The following HAUS4 variants were observed in gnomAD, a reference collection of about 807,000 sequenced individuals.
HAUS4 encodes the protein HAUS augmin-like complex subunit 4.
A neutral mutation model predicts 50.6 loss-of-function variants in HAUS4; 34 were observed. That is an observed-to-expected ratio of 0.67 (90% CI 0.51 to 0.90). The LOEUF (loss-of-function observed/expected upper bound fraction) is 0.90, where lower values mean the gene tolerates loss of function less well. Ranked by LOEUF, HAUS4 falls within the 40% of genes least tolerant of loss-of-function variation. HAUS4 has a pLI of 0.00. For synonymous variants in HAUS4, 149 were observed against 161.4 expected (o/e 0.92, Z 0.58); for missense variants, 370 against 428.7 (o/e 0.86, Z 1.21).
chr14:22,947,990 C>T lies in HAUS4; in HGVS notation c.586G>A (p.Ala196Thr). Residue 196 changes from alanine to threonine, a missense_variant, in exon 7 of 10, where the codon GCA (alanine) becomes ACA (threonine). Physicochemically the swap from Ala to Thr is moderately conservative, Grantham distance 58. Coordinates refer to ENST00000541587, the MANE Select transcript of HAUS4 (RefSeq NM_001166269.2). Reference sequence around the variant, plus strand: ...TCTGCGAGTTTCCACACCTTTGCTGCCTTCACGGTTTCACTGTCAGCATCT... The same window carrying T: ...TCTGCGAGTTTCCACACCTTTGCTGTCTTCACGGTTTCACTGTCAGCATCT... ...NSDADSETVK[A>T]AKVWKLAEVL... 6.2e-7 allele frequency: 1 copy of T among 1,612,550 alleles called. No individual in the cohort carries two copies.
At chr14:22,950,195 G>A in intron 6 of HAUS4, 119 bp downstream of exon 6, 2 of 445,660 alleles carry the variant, frequency 4.5e-6, no homozygotes, top group Non-Finnish European at 8.0e-6. Flanking sequence ...AAACAAATAA[G>A]CATCTCTGAT....
intron 6 of HAUS4, among the ~76,000 whole-genome samples, chr14:22,949,301 G>C (rs1200471258): frequency 6.6e-6 from 1 of 151,786 alleles, no homozygotes; most frequent in Non-Finnish European, 1.5e-5. Context: ...AGGCCAAGGT[G>C]GGTAGATCAT....
rs368353481 is a variant in HAUS4, at chr14:22,947,559, G to A, written c.839+42C>T. 73 of 1,607,326 alleles carry A rather than the reference G, an allele frequency of 4.5e-5. No homozygotes were observed. The African/African-American group carries it at 7.6e-4, about 17-fold the overall frequency. On this transcript the variant is annotated intron_variant, in intron 8 of 9. Transcript: ENST00000541587. ...GGGTAAGGGATAGAGGGCTGATAAC[G>A]TGAGACAGAATCCCTTAAGATCCAC...
rs761199996 is a variant in HAUS4 at position 22,946,704 on chromosome 14, G to A, written c.913C>T (p.Arg305Cys). Residue 305 changes from arginine to cysteine, a missense_variant, in exon 10 of 10, where the codon CGT (arginine) becomes TGT (cysteine). Coordinates refer to ENST00000541587, the MANE Select transcript of HAUS4 (RefSeq NM_001166269.2). ...TGTAGGTGAATGGCTCCCTCCAAAC[G>A]GTCCCTAAGAGCCCGGGCAGAGAAG... The part of the protein sequence containing the change: ...KVEVHRLIRD[R>C]LEGAIHLQEQ... 26 of 1,606,724 alleles carry A rather than the reference G, an allele frequency of 1.6e-5. No individual in the cohort carries two copies. The highest frequency in any genetic ancestry group is 5.4e-5 in the African/African-American group (4 of 74,616).
In HAUS4 at chr14:22,947,948, G is replaced by C; in HGVS notation, c.628C>G (p.Gln210Glu). Residue 210 changes from glutamine to glutamate, a missense_variant, in exon 7 of 10, where the codon CAG (glutamine) becomes GAG (glutamate). Coordinates refer to ENST00000541587, the MANE Select transcript of HAUS4 (RefSeq NM_001166269.2). Reference protein sequence around the residue: ...WKLAEVLVGEQQQCQDAKSQQ... With the variant: ...WKLAEVLVGEEQQCQDAKSQQ... The stretch of plus-strand genomic sequence containing the variant: ...CTCTTGGCATCCTGGCACTGCTGCT[G>C]CTCACCCACCAGGACCTCTGCGAGT... The C allele has an allele frequency of 1.2e-6, 2 of 1,614,012 alleles. No homozygotes were observed. Among genetic ancestry groups the C allele is most frequent in the Non-Finnish European group, 1.7e-6 (2 of 1,179,964 alleles).
At position 22,947,991 on chromosome 14, in the gene HAUS4, C is replaced by T. The variant is rs537611855; in HGVS notation, c.585G>A (p.Lys195=). 2 of 1,612,456 alleles carry T rather than the reference C, an allele frequency of 1.2e-6. No homozygotes were observed. The highest frequency in any genetic ancestry group is 2.2e-5 in the East Asian group (1 of 44,870). ...CTGCGAGTTTCCACACCTTTGCTGC[C>T]TTCACGGTTTCACTGTCAGCATCTG... ...PNSDADSETV[K]AAKVWKLAEV... The change falls in exon 7 of 10, where the codon AAG becomes AAA. Residue 195 remains lysine, a synonymous_variant. Transcript: ENST00000541587.
rs745758388 is a variant in HAUS4 at position 22,950,307 on chromosome 14, C to T, written c.562+7G>A. On this transcript the variant is annotated splice_region_variant and intron_variant, in intron 6 of 9. Coordinates refer to ENST00000541587, the MANE Select transcript of HAUS4 (RefSeq NM_001166269.2). ...AGCTGTGAGCAGAACAGACAGCTAGCACTCACCTGAATTGGGATCATAGTA... is the reference window on the plus strand; with the variant it reads ...AGCTGTGAGCAGAACAGACAGCTAGTACTCACCTGAATTGGGATCATAGTA... The T allele has an allele frequency of 7.3e-6, 11 of 1,506,844 alleles. No homozygotes were observed. The highest frequency in any genetic ancestry group is 7.4e-6 in the Non-Finnish European group (8 of 1,082,308). 93.3% of individuals were successfully genotyped at this position (1,506,844 alleles called of 1,614,324 possible).
chr14:22,951,257 A>C (rs2139305014), intron 5 of HAUS4, among the ~76,000 whole-genome samples: 1 of 151,688 alleles, frequency 6.6e-6, no homozygotes, highest in East Asian at 1.9e-4. Flanking sequence ...CTCCCACCTC[A>C]GCCTCCCAAA....
chr14:22,948,690 T>A (rs987588641), intron 6 of HAUS4, among the ~76,000 whole-genome samples: 1 of 151,614 alleles, frequency 6.6e-6, no homozygotes, highest in Admixed American at 6.6e-5. Flanking sequence ...CACCCGCCAC[T>A]ACACCCAGCT....
intron 2 of HAUS4, 107 bp from the exon 3 acceptor site, chr14:22,952,790 T>C (rs1205570931): frequency 2.4e-6 from 2 of 830,870 alleles, no homozygotes; most frequent in Non-Finnish European, 3.5e-6. Flanking sequence ...AGGATTTTTA[T>C]AGGAAAGATT....
At chr14:22,948,453 G>GT (rs2044684948) in intron 6 of HAUS4, among the ~76,000 whole-genome samples, 3 of 25,460 alleles carry the variant, frequency 1.2e-4, no homozygotes, top group Non-Finnish European at 3.7e-4. Context: ...AAAAAAAAAA[G>GT]CGGGGGGGGG....
Sources: gnomAD v4.1 joint callset for allele counts (sites outside exome capture counted in the v4.1 genomes callset) on GRCh38, gnomAD v4.1.1 for gene constraint, MANE v1.5 for transcripts, NCBI Gene and HGNC (gene_info 2026-07-23, HGNC 2026-07-21) for gene names.